LZTS1: variants seen among roughly 807,000 people sequenced by gnomAD.
LZTS1 encodes leucine zipper tumor suppressor 1, also known as leucine zipper putative tumor suppressor 1.
Under a neutral mutation model 45.8 loss-of-function variants are expected in LZTS1, and 31 were observed. The ratio of observed to expected loss-of-function variants is 0.68; its 90% CI spans 0.51 to 0.91. The LOEUF (loss-of-function observed/expected upper bound fraction) is 0.91, where lower values mean the gene tolerates loss of function less well. Among genes scored for constraint, LZTS1 ranks in the 40% least tolerant of loss-of-function variants. The pLI is 0.00. For synonymous variants in LZTS1, 359 were observed against 357.3 expected (o/e 1.00, Z -0.05); for missense variants, 821 against 788.9 (o/e 1.04, Z -0.49).
intron 1 of LZTS1, among the ~76,000 whole-genome samples, chr8:20,266,917 G>A (rs1047210355): frequency 6.6e-6 from 1 of 151,940 alleles, no homozygotes; most frequent in Non-Finnish European, 1.5e-5. Context: ...AGACCAGCCT[G>A]GGCAACATGG....
chr8:20,291,364 C>T (rs1055537663), intron 1 of LZTS1, among the ~76,000 whole-genome samples: 3 of 152,210 alleles, frequency 2.0e-5, no homozygotes, highest in African/African-American at 7.2e-5. Flanking sequence ...CCCTCCCACA[C>T]AGGCAACTCA....
intron 1 of LZTS1, among the ~76,000 whole-genome samples, chr8:20,288,469 T>G (rs981829876): frequency 5.9e-5 from 9 of 152,158 alleles, no homozygotes; most frequent in African/African-American, 1.9e-4. Flanking sequence ...ATGTGTCCTG[T>G]GCACTAGGTA....
chr8:20,299,263 C>G (rs1334589649), intron 1 of LZTS1, among the ~76,000 whole-genome samples: 1 of 152,224 alleles, frequency 6.6e-6, no homozygotes, highest in Non-Finnish European at 1.5e-5. Flanking sequence ...TTCGCTGACT[C>G]CCTTCATACC....
At chr8:20,250,389 G>C in intron 3 of LZTS1, 26 bp from the exon 4 acceptor site, 1 of 1,552,934 alleles carries the variant, frequency 6.4e-7, no homozygotes, top group Non-Finnish European at 8.7e-7. Flanking sequence ...TGGAGACAGA[G>C]TGCCAAGAGG....
chr8:20,252,775 G>T lies in LZTS1; in HGVS notation c.1149+7C>A, dbSNP rs761272817. The T allele has an allele frequency of 1.3e-6, 2 of 1,509,592 alleles. No individual in the cohort carries two copies. Among genetic ancestry groups the T allele is most frequent in the East Asian group, 4.6e-5 (2 of 43,804 alleles). The allele number at this position is 1,509,592 out of a possible 1,614,324, so 93.5% of individuals were successfully genotyped here. ...CACCCAAACCCATGAGCCCTGTGTG[G>T]CCTCACCTCCCACTGGGTCTCCTCC... On this transcript the variant is annotated splice_region_variant and intron_variant, in intron 3 of 3. Transcript: ENST00000381569.
At chr8:20,253,630 C>G (rs970461364) in intron 2 of LZTS1, 45 bp from the exon 3 acceptor site, 12 of 1,388,374 alleles carry the variant, frequency 8.6e-6, no homozygotes, top group Non-Finnish European at 1.1e-5. Context: ...CCCCTGCGCG[C>G]GCATTGCACC....
chr8:20,260,496 T>C (rs1025707160), intron 1 of LZTS1, among the ~76,000 whole-genome samples: 35 of 152,144 alleles, frequency 2.3e-4, no homozygotes, highest in African/African-American at 7.5e-4. Flanking sequence ...ACAATCTCCA[T>C]GCTAAAATCG....
rs1402102484 is a variant in LZTS1, at chr8:20,246,546, C to T, written c.*3176G>A. ...CCTCCAGCCAGGCCTGGCTTAGTTT[C>T]GGGCAACTGTCTCACCTAAGAGATG... On this transcript the variant is annotated 3_prime_UTR_variant, in exon 4 of 4. Coordinates refer to ENST00000381569, the MANE Select transcript of LZTS1 (RefSeq NM_021020.5). 2.6e-5 allele frequency: 4 copies of T among 152,566 alleles called. No homozygotes were observed. The highest frequency in any genetic ancestry group is 6.5e-5 in the Admixed American group (1 of 15,284). 9.5% of individuals were successfully genotyped at this position (152,566 alleles called of 1,614,324 possible). A position where few individuals can be genotyped will look rare whatever the true frequency, so the allele number is the denominator to read the frequency against.
intron 1 of LZTS1, among the ~76,000 whole-genome samples, chr8:20,301,318 T>C (rs1801073297): frequency 6.6e-6 from 1 of 152,120 alleles, no homozygotes; most frequent in Non-Finnish European, 1.5e-5. Flanking sequence ...CTGGCTAAAT[T>C]ACTTAACTCT....
chr8:20,291,865 C>T (rs532997738), intron 1 of LZTS1, among the ~76,000 whole-genome samples: 1 of 152,072 alleles, frequency 6.6e-6, no homozygotes, highest in East Asian at 1.9e-4. Flanking sequence ...ACTGTCCATT[C>T]CCCAAACTTG....
At chr8:20,268,603 C>T (rs1010035275) in intron 1 of LZTS1, among the ~76,000 whole-genome samples, 1 of 152,148 alleles carries the variant, frequency 6.6e-6, no homozygotes, top group East Asian at 1.9e-4. Context: ...CAAACCTCCC[C>T]GTGCTCAGTT....
intron 1 of LZTS1, among the ~76,000 whole-genome samples, chr8:20,293,331 T>A (rs907911061): frequency 6.6e-6 from 1 of 152,110 alleles, no homozygotes; most frequent in Admixed American, 6.5e-5. Context: ...TCAATCTGAC[T>A]CCAACGTGCC....
chr8:20,277,170 T>A (rs1331384701), intron 1 of LZTS1, among the ~76,000 whole-genome samples: 2 of 152,236 alleles, frequency 1.3e-5, no homozygotes, highest in African/African-American at 4.8e-5. Flanking sequence ...GAGTGACCTC[T>A]GGTCGTGCTC....
In LZTS1 at chr8:20,280,862, A is replaced by G. The variant is rs1800676161; in HGVS notation, c.-135+22878T>C. On this transcript the variant is annotated intron_variant, in intron 1 of 3. Coordinates refer to ENST00000381569, the MANE Select transcript of LZTS1 (RefSeq NM_021020.5). Reference sequence around the variant, plus strand: ...TAGCCTGGCATTCAAGGCTCTCTAAAAAACCGCTCACAAGTACCTCCCAGA... The same window carrying G: ...TAGCCTGGCATTCAAGGCTCTCTAAGAAACCGCTCACAAGTACCTCCCAGA... Among the ~76,000 whole-genome samples the G allele has an allele frequency of 2.0e-5, 3 of 152,236 alleles. No homozygotes were observed. The South Asian group carries it at 6.2e-4, about 32-fold the overall frequency.
chr8:20,276,132 T>C (rs1800575806), intron 1 of LZTS1, among the ~76,000 whole-genome samples: 1 of 152,182 alleles, frequency 6.6e-6, no homozygotes, highest in Non-Finnish European at 1.5e-5. Context: ...CTGGGATAGA[T>C]TCATTTTAAG....
Position 20,250,310 on chromosome 8 carries a change from G to T in LZTS1, c.1203C>A (p.Ser401=). Residue 401 remains serine (S), a synonymous_variant, in exon 4 of 4, where the codon TCC becomes TCA. Transcript: ENST00000381569. ...ISLLKQQLKE[S]QTEVNAKASE... is the part of the protein sequence containing the mutation. Reference sequence around the variant, plus strand: ...TAGCCTTGGCGTTCACCTCCGTCTGGGACTCCTTCAGCTGCTGCTTCAGGA... The same window carrying T: ...TAGCCTTGGCGTTCACCTCCGTCTGTGACTCCTTCAGCTGCTGCTTCAGGA... The T allele has an allele frequency of 6.2e-7, 1 of 1,613,192 alleles. No individual in the cohort carries two copies. The highest frequency in any genetic ancestry group is 8.5e-7 in the Non-Finnish European group (1 of 1,179,676).
intron 1 of LZTS1, chr8:20,290,304 A>T (rs1800878848): frequency 6.6e-6 from 1 of 152,178 alleles, no homozygotes; most frequent in Non-Finnish European, 1.5e-5. Flanking sequence ...AGGTTTTAAC[A>T]TCAGATCTGA....
intron 1 of LZTS1, among the ~76,000 whole-genome samples, chr8:20,299,060 G>A (rs1177196397): frequency 1.3e-5 from 2 of 152,140 alleles, no homozygotes; most frequent in African/African-American, 4.8e-5. Context: ...TAATTTGCAC[G>A]CTGGCTGGAG....
At chr8:20,277,639 A>T (rs990824064) in intron 1 of LZTS1, among the ~76,000 whole-genome samples, 5 of 152,144 alleles carry the variant, frequency 3.3e-5, no homozygotes, top group Non-Finnish European at 5.9e-5. Flanking sequence ...GTGGATTTTC[A>T]CTTTGTAGGC....
Sources: gnomAD v4.1 joint callset for allele counts (sites outside exome capture counted in the v4.1 genomes callset) on GRCh38, gnomAD v4.1.1 for gene constraint, MANE v1.5 for transcripts, NCBI Gene and HGNC (gene_info 2026-07-23, HGNC 2026-07-21) for gene names.